The following TRIM36 variants were observed in gnomAD, a reference collection of about 807,000 sequenced individuals.
The protein encoded by TRIM36 is E3 ubiquitin-protein ligase TRIM36.
A neutral mutation model predicts 72.4 loss-of-function variants in TRIM36; 42 were observed. The observed-to-expected ratio is 0.58, with a 90% CI of 0.45 to 0.75. TRIM36 has a LOEUF of 0.75. Ranked by LOEUF, TRIM36 falls within the 30% of genes least tolerant of loss-of-function variation. TRIM36 has a pLI of 0.00. For synonymous variants in TRIM36, 315 were observed against 282.8 expected (o/e 1.11, Z -1.14); for missense variants, 913 against 857.1 (o/e 1.07, Z -0.81).
rs776823254 is a variant in TRIM36, at chr5:115,125,742, T to G, written c.*761A>C. On this transcript the variant is annotated 3_prime_UTR_variant, in exon 10 of 10. Transcript: ENST00000513154. The stretch of plus-strand genomic sequence containing the variant: ...ATAAGAAAAACTAAAGATAAATTTC[T>G]CTGAAAAAAAGTATATAAAGTGAGA... 1 of 152,068 alleles carries G rather than the reference T, an allele frequency of 6.6e-6. No individual in the cohort carries two copies. The highest frequency in any genetic ancestry group is 6.6e-5 in the Admixed American group (1 of 15,262). 9.4% of individuals were successfully genotyped at this position (152,068 alleles called of 1,614,324 possible). A position where few individuals can be genotyped will look rare whatever the true frequency, so the allele number is the denominator to read the frequency against.
upstream of TRIM36, among the ~76,000 whole-genome samples, chr5:115,171,980 AGTC>A (rs1755135213): frequency 5.9e-5 from 9 of 152,200 alleles, no homozygotes; most frequent in Admixed American, 5.2e-4. Context: ...ACCTTATATT[AGTC>A]TAGATTTGAG....
rs1416541946 is a variant in TRIM36 at position 115,169,896 on chromosome 5, T to C, written c.-262A>G. On this transcript the variant is annotated 5_prime_UTR_variant, in exon 1 of 10. Transcript: ENST00000513154. ...CCCAGCTGCCGGCTGCAGCAGCGGC[T>C]CCTGCGGACTGCGGCTGGGAACGGC... 1.3e-5 allele frequency: 17 copies of C among 1,294,590 alleles called. No homozygotes were observed. Among genetic ancestry groups the C allele is most frequent in the Non-Finnish European group, 2.0e-6 (2 of 1,020,518 alleles). The allele number at this position is 1,294,590 out of a possible 1,614,324, so 80.2% of individuals were successfully genotyped here.
At chr5:115,153,970 A>AT (rs1754030672) in intron 2 of TRIM36, among the ~76,000 whole-genome samples, 1 of 152,240 alleles carries the variant, frequency 6.6e-6, no homozygotes, top group African/African-American at 2.4e-5. Flanking sequence ...TATTGAAATT[A>AT]TATCAAGCAC....
At chr5:115,130,289 C>A (rs971700243) in intron 9 of TRIM36, among the ~76,000 whole-genome samples, 1 of 152,126 alleles carries the variant, frequency 6.6e-6, no homozygotes, top group Non-Finnish European at 1.5e-5. Flanking sequence ...GTATTATATA[C>A]GTGGGTAATT....
intron 2 of TRIM36, among the ~76,000 whole-genome samples, chr5:115,161,531 G>A (rs909402207): frequency 2.0e-5 from 3 of 152,166 alleles, no homozygotes; most frequent in African/African-American, 7.2e-5. Flanking sequence ...GAGCTGGTGT[G>A]GTATTGTTAA....
intron 5 of TRIM36, among the ~76,000 whole-genome samples, chr5:115,139,685 T>C (rs557641012): frequency 7.0e-4 from 107 of 152,308 alleles, no homozygotes; most frequent in Admixed American, 6.3e-3. Context: ...AAAAAGACAG[T>C]GTCACCATCA....
chr5:115,130,366 G>C (rs1325827618), intron 9 of TRIM36, among the ~76,000 whole-genome samples: 2 of 152,246 alleles, frequency 1.3e-5, no homozygotes, highest in African/African-American at 2.4e-5. Context: ...TCACAATTAA[G>C]AGATATCCAA....
At chr5:115,170,956 C>A (rs1294053759), upstream of TRIM36, 22 of 1,268,582 alleles carry the variant, frequency 1.7e-5, no homozygotes, top group East Asian at 4.9e-5. Context: ...TCAGGACACA[C>A]GGAGAACAAA....
At position 115,148,006 on chromosome 5, in the gene TRIM36, A is replaced by G. The variant is rs943058199; in HGVS notation, c.263-612T>C. Among the ~76,000 whole-genome samples the G allele has an allele frequency of 1.4e-4, 21 of 152,338 alleles. 1 individual carries two copies. In the East Asian group the frequency reaches 4.0e-3, roughly 29 times the overall value. On this transcript the variant is annotated intron_variant, in intron 2 of 9. Transcript: ENST00000513154. Reference sequence around the variant, plus strand: ...AAAATTTTTAACAACACTACAATAGAAGCTTTCCCACGTAGTATTGTTTTA... The same window carrying G: ...AAAATTTTTAACAACACTACAATAGGAGCTTTCCCACGTAGTATTGTTTTA...
intron 5 of TRIM36, among the ~76,000 whole-genome samples, chr5:115,139,830 G>C (rs932847622): frequency 2.6e-5 from 4 of 152,128 alleles, no homozygotes; most frequent in African/African-American, 4.8e-5. Flanking sequence ...AGGAATCAGT[G>C]TCTACATGAA....
At chr5:115,134,205 T>C (rs974160387) in intron 7 of TRIM36, 58 bp from the exon 8 acceptor site, 86 of 1,446,480 alleles carry the variant, frequency 5.9e-5, no homozygotes, top group South Asian at 1.7e-4. Flanking sequence ...AAAACCAGTG[T>C]TTTTCCTCAA....
Position 115,144,035 on chromosome 5 carries a change from T to G in TRIM36, c.735+563A>C, listed in dbSNP as rs1753435311. On this transcript the variant is annotated intron_variant, in intron 4 of 9. Coordinates refer to ENST00000513154, the MANE Select transcript of TRIM36 (RefSeq NM_001300759.2). ...ACAGGTGCCCGCCACCATGCCCAGCTAATTTTTTTTTTGTATTTTTAGTAG... is the reference window on the plus strand; with the variant it reads ...ACAGGTGCCCGCCACCATGCCCAGCGAATTTTTTTTTTGTATTTTTAGTAG... 2.8e-5 allele frequency among the ~76,000 whole-genome samples: 3 copies of G among 105,572 alleles called. No homozygotes were observed. The South Asian group carries it at 8.2e-4, about 29-fold the overall frequency. The allele number at this position is 105,572 out of a possible 152,430, so 69.3% of individuals were successfully genotyped here. A position where few individuals can be genotyped will look rare whatever the true frequency, so the allele number is the denominator to read the frequency against.
At chr5:115,143,435 T>C (rs1399193827) in intron 4 of TRIM36, among the ~76,000 whole-genome samples, 1 of 151,562 alleles carries the variant, frequency 6.6e-6, no homozygotes, top group Admixed American at 6.6e-5. Context: ...AACTATCCAA[T>C]AGCTGGCAGC....
chr5:115,171,008 G>A, upstream of TRIM36: 1 of 1,554,530 alleles, frequency 6.4e-7, no homozygotes. Context: ...TTTCTGGCTA[G>A]CTAAACAATT....
At position 115,130,849 on chromosome 5, in the gene TRIM36, A is replaced by AT; in HGVS notation, c.1538dup (p.Asn513LysfsTer2). On this transcript the variant is annotated frameshift_variant, in exon 9 of 10. Coordinates refer to ENST00000513154, the MANE Select transcript of TRIM36 (RefSeq NM_001300759.2). LOFTEE classifies it high-confidence loss of function. ...TCTTCAAGTTCAGCAGGAGGTGTTCATTATTATAGCCACATTTTTCATCAA... is the reference window on the plus strand; with the variant it reads ...TCTTCAAGTTCAGCAGGAGGTGTTCATTTATTATAGCCACATTTTTCATCAA... 1 of 1,613,372 alleles carries AT rather than the reference A, an allele frequency of 6.2e-7. No individual in the cohort carries two copies. The highest frequency in any genetic ancestry group is 1.1e-5 in the South Asian group (1 of 90,958).
At chr5:115,158,989 T>C (rs1026942709) in intron 2 of TRIM36, among the ~76,000 whole-genome samples, 1 of 152,350 alleles carries the variant, frequency 6.6e-6, no homozygotes, top group Non-Finnish European at 1.5e-5. Context: ...ATCACCAGCA[T>C]TCCATTAAAA....
At chr5:115,131,970 T>G (rs1752705699) in intron 8 of TRIM36, among the ~76,000 whole-genome samples, 2 of 152,152 alleles carry the variant, frequency 1.3e-5, no homozygotes, top group African/African-American at 4.8e-5. Flanking sequence ...TAAACAATAC[T>G]GTAAATGTAC....
chr5:115,155,608 C>G (rs1170835281), intron 2 of TRIM36, among the ~76,000 whole-genome samples: 1 of 152,170 alleles, frequency 6.6e-6, no homozygotes, highest in Non-Finnish European at 1.5e-5. Flanking sequence ...TTGACAAAAT[C>G]TAGCATCCCT....
chr5:115,147,137 G>C lies in TRIM36; in HGVS notation c.520C>G (p.His174Asp). The stretch of plus-strand genomic sequence containing the variant: ...GCTTTTATAGTACCCCAAGGGTGAT[G>C]AATTTTGAAGCATTCATTGCAGTAA... ...ASYCNECFKIHHPWGTIKAQH... is the reference protein window; with the variant it reads ...ASYCNECFKIDHPWGTIKAQH... The change falls in exon 3 of 10, where the codon CAT (histidine) becomes GAT (aspartate). Residue 174 changes from histidine to aspartate, a missense_variant. Coordinates refer to ENST00000513154, the MANE Select transcript of TRIM36 (RefSeq NM_001300759.2). 1 of 1,614,192 alleles carries C rather than the reference G, an allele frequency of 6.2e-7. No homozygotes were observed.
Sources: allele counts gnomAD v4.1 joint callset (sites outside exome capture counted in the v4.1 genomes callset), GRCh38; gene constraint gnomAD v4.1.1; transcripts MANE v1.5; gene names NCBI Gene and HGNC (gene_info 2026-07-23, HGNC 2026-07-21).